FCHO1: variants seen among roughly 807,000 people sequenced by gnomAD.
FCHO1 encodes the protein F-BAR domain only protein 1.
In FCHO1, 45 loss-of-function variants were observed where a neutral mutation model predicts 114.4. The observed-to-expected ratio is 0.39, with a 90% confidence interval of 0.31 to 0.50. FCHO1 has a LOEUF of 0.50. Among genes scored for constraint, FCHO1 ranks in the 20% least tolerant of loss-of-function variants. FCHO1 has a pLI of 0.77. For synonymous variants in FCHO1, 480 were observed against 488.9 expected (o/e 0.98, Z 0.24); for missense variants, 1,042 against 1,209.6 (o/e 0.86, Z 2.06).
chr19:17,750,198 G>A (rs540953437), upstream of FCHO1, among the ~76,000 whole-genome samples: 4 of 152,190 alleles, frequency 2.6e-5, no homozygotes, highest in African/African-American at 9.6e-5. Context: ...TGTAACCTTG[G>A]GCAAGTCTCC....
At position 17,766,631 on chromosome 19, in the gene FCHO1, G is replaced by A. The variant is rs138563541; in HGVS notation, c.195-38G>A. The A allele has an allele frequency of 7.2e-4, 1,167 of 1,612,474 alleles. 5 individuals carry two copies. The African/African-American group carries it at 0.014, about 19-fold the overall frequency. ...CCAGCGCTGTCCCGGGGTGGGGTGA[G>A]CCTGATGAACCCTGGGTGTGACCTT... On this transcript the variant is annotated intron_variant, in intron 6 of 28. Transcript: ENST00000596536.
At chr19:17,747,921 G>A (rs530613059), upstream of FCHO1, 2 of 152,474 alleles carry the variant, frequency 1.3e-5, no homozygotes, top group African/African-American at 4.8e-5. Context: ...GGCGCGGCGG[G>A]ACGCGAGGGA....
Position 17,787,807 on chromosome 19 carries a change from G to T in FCHO1, c.2608G>T (p.Gly870Cys), listed in dbSNP as rs777912251. 1 of 1,613,370 alleles carries T rather than the reference G, an allele frequency of 6.2e-7. No homozygotes were observed. Among genetic ancestry groups the T allele is most frequent in the Non-Finnish European group, 8.5e-7 (1 of 1,179,882 alleles). ...SGVDLELVGS[G>C]YRMSLVKRRF... is the part of the protein sequence containing the mutation. The stretch of plus-strand genomic sequence containing the variant: ...CGTGGACTTGGAACTGGTGGGCAGC[G>T]GTTACCGCATGTCGCTGGTGAAGAG... Residue 870 changes from glycine (G) to cysteine (C), a missense_variant, in exon 28 of 29, where the codon GGT (glycine) becomes TGT (cysteine). Around this residue, in one of 3 missense-constraint regions of FCHO1, gnomAD observed 137 missense variants for 190.0 expected, o/e 0.72. Transcript: ENST00000596536.
intron 20 of FCHO1, among the ~76,000 whole-genome samples, chr19:17,779,687 CAAGG>C (rs1386317504): frequency 8.2e-4 from 75 of 90,968 alleles, no homozygotes; most frequent in Non-Finnish European, 1.0e-3. Flanking sequence ...AAGGGACAGT[CAAGG>C]GAGGGAGGAG....
intron 4 of FCHO1, among the ~76,000 whole-genome samples, chr19:17,756,100 G>A (rs1295870804): frequency 2.0e-5 from 3 of 152,212 alleles, no homozygotes; most frequent in African/African-American, 7.2e-5. Flanking sequence ...GAAGCCTGTT[G>A]CTAGGCGACT....
At chr19:17,769,580 AACACACACACACACACACAC>A (rs71162199) in intron 7 of FCHO1, among the ~76,000 whole-genome samples, 2,429 of 144,140 alleles carry the variant, frequency 0.017, 75 homozygotes, top group African/African-American at 0.055. Flanking sequence ...CTTCGTCTCA[AACACACACACACACACACAC>A]ACACACACAC....
rs767985878 is a variant in FCHO1, at chr19:17,786,627, G to A, written c.2480G>A (p.Gly827Asp). ...AGGCTTCCAGATGTGTCCGAGGCAGGCGGTGAGCTGTGGTTGTGTATGAGG... is the reference window on the plus strand; with the variant it reads ...AGGCTTCCAGATGTGTCCGAGGCAGACGGTGAGCTGTGGTTGTGTATGAGG... ...TWRLPDVSEA[G>D]GSGRLSASWE... Residue 827 changes from glycine to aspartate, a missense_variant and splice_region_variant, in exon 27 of 29, where the codon GGC (glycine) becomes GAC (aspartate). By Grantham distance (94) the Gly-to-Asp change is moderately conservative. Coordinates refer to ENST00000596536, the MANE Select transcript of FCHO1 (RefSeq NM_015122.3). 5 of 1,612,074 alleles carry A rather than the reference G, an allele frequency of 3.1e-6. No homozygotes were observed. The Admixed American group carries it at 5.0e-5, about 16-fold the overall frequency.
intron 4 of FCHO1, among the ~76,000 whole-genome samples, chr19:17,760,955 C>A: frequency 6.6e-6 from 1 of 152,022 alleles, no homozygotes; most frequent in Non-Finnish European, 1.5e-5. Flanking sequence ...AACCTCCCTG[C>A]CCCATCTTAA....
intron 4 of FCHO1, among the ~76,000 whole-genome samples, chr19:17,759,267 G>A (rs546017190): frequency 3.1e-5 from 4 of 128,206 alleles, no homozygotes; most frequent in African/African-American, 1.2e-4. Context: ...CTGTCAGCCA[G>A]GCTGGAGTGC....
chr19:17,766,714 G>A lies in FCHO1; in HGVS notation c.240G>A (p.Lys80=), dbSNP rs1568335722. The A allele has an allele frequency of 6.2e-7, 1 of 1,614,170 alleles. No individual in the cohort carries two copies. Among genetic ancestry groups the A allele is most frequent in the East Asian group, 2.2e-5 (1 of 44,878 alleles). The change falls in exon 7 of 29, where the codon AAG becomes AAA. Residue 80 remains lysine, a synonymous_variant. Transcript: ENST00000596536. ...LWEVFRVSSD[K]LALCHLELTR... ...AGGTCTTCCGCGTCTCCTCGGACAA[G>A]CTGGCGCTGTGCCACCTGGAACTGA... is the stretch of plus-strand genomic sequence containing the variant.
In FCHO1 at chr19:17,783,156, G is replaced by A. The variant is rs761157532; in HGVS notation, c.2077G>A (p.Ala693Thr). 5.6e-6 allele frequency: 9 copies of A among 1,613,976 alleles called. No individual in the cohort carries two copies. The highest frequency in any genetic ancestry group is 3.3e-5 in the Admixed American group (2 of 59,992). ...CGCTATTGAGCACTTCCAGCCCAAC[G>A]CCGATCTGCTGTTCAGGTACTATGG... Reference protein sequence around the residue: ...TTAIEHFQPNADLLFSDPSQS... With the variant: ...TTAIEHFQPNTDLLFSDPSQS... Residue 693 changes from alanine to threonine, a missense_variant, in exon 24 of 29, where the codon GCC becomes ACC. Physicochemically the swap from Ala to Thr is moderately conservative, Grantham distance 58 (BLOSUM62 0). Around this residue, in one of 3 missense-constraint regions of FCHO1, gnomAD observed 455 missense variants for 455.4 expected, o/e 1.00. Transcript: ENST00000596536.
At position 17,784,617 on chromosome 19, in the gene FCHO1, C is replaced by T. The variant is rs1395645450; in HGVS notation, c.2227-108C>T. On this transcript the variant is annotated intron_variant, in intron 25 of 28. Coordinates refer to ENST00000596536, the MANE Select transcript of FCHO1 (RefSeq NM_015122.3). The surrounding 1 kb of genome is among the most constrained non-coding windows in gnomAD (Gnocchi z 5.3). ...ATCAAATCTCCCTGTGACTGGACCC[C>T]CTTGGGGCGGTGCGTGCATCGCAGG... is the stretch of plus-strand genomic sequence containing the variant. 1 of 1,067,954 alleles carries T rather than the reference C, an allele frequency of 9.4e-7. No individual in the cohort carries two copies. Among genetic ancestry groups the T allele is most frequent in the African/African-American group, 1.5e-5 (1 of 64,598 alleles). 66.2% of individuals were successfully genotyped at this position (1,067,954 alleles called of 1,614,324 possible).
At chr19:17,781,571 G>T in intron 22 of FCHO1, 32 bp downstream of exon 22, 4 of 1,609,682 alleles carry the variant, frequency 2.5e-6, no homozygotes, top group Non-Finnish European at 3.4e-6. Flanking sequence ...CCTGGCTTTG[G>T]GCCTCAGTGT....
At chr19:17,781,116 G>A (rs1752014327) in intron 20 of FCHO1, 115 bp from the exon 21 acceptor site, 2 of 707,820 alleles carry the variant, frequency 2.8e-6, no homozygotes, top group Admixed American at 2.3e-5. Flanking sequence ...CAGACCCATT[G>A]GGGGTCTCTG....
Position 17,784,028 on chromosome 19 carries a change from A to G in FCHO1, c.2094-75A>G. 6.5e-7 allele frequency: 1 copy of G among 1,529,396 alleles called. No individual in the cohort carries two copies. The highest frequency in any genetic ancestry group is 1.2e-5 in the South Asian group (1 of 81,912). 94.7% of individuals were successfully genotyped at this position (1,529,396 alleles called of 1,614,324 possible). ...GGGCCAGGAAATTGCATCTTTAGGAAGGGGTAGATTGAATGCTGGGAGCCC... is the reference window on the plus strand; with the variant it reads ...GGGCCAGGAAATTGCATCTTTAGGAGGGGGTAGATTGAATGCTGGGAGCCC... On this transcript the variant is annotated intron_variant, in intron 24 of 28. Transcript: ENST00000596536. The surrounding 1 kb of genome is among the most constrained non-coding windows in gnomAD (Gnocchi z 5.3).
chr19:17,765,105 T>C lies in FCHO1; in HGVS notation c.194+656T>C, dbSNP rs2088309975. Among the ~76,000 whole-genome samples the C allele has an allele frequency of 3.4e-5, 5 of 146,890 alleles. No individual in the cohort carries two copies. The South Asian group carries it at 6.4e-4, about 19-fold the overall frequency. ...AAAAAGTGCTGGGAAGGGAATGAGA[T>C]AGGAGTGTGAGAGATCGGGCACTTT... On this transcript the variant is annotated intron_variant, in intron 6 of 28. Transcript: ENST00000596536.
chr19:17,748,538 G>A (rs2146053728), upstream of FCHO1, among the ~76,000 whole-genome samples: 1 of 151,660 alleles, frequency 6.6e-6, no homozygotes, highest in South Asian at 2.1e-4. Context: ...ACTGAGGGGC[G>A]GGGTGTACAG....
chr19:17,774,846 C>A (rs56302053), intron 13 of FCHO1: 19,284 of 596,212 alleles, frequency 0.032, 896 homozygotes, highest in African/African-American at 0.17. Flanking sequence ...CCTTCCCTCC[C>A]AGGCTGTTTG....
intron 20 of FCHO1, among the ~76,000 whole-genome samples, 171 bp downstream of exon 20, chr19:17,779,055 G>T (rs2093030311): frequency 1.3e-5 from 2 of 152,172 alleles, no homozygotes; most frequent in South Asian, 4.1e-4. Flanking sequence ...CAAGGCAGGC[G>T]GTAGCGGGTG....
Sources: gnomAD v4.1 joint callset for allele counts (sites outside exome capture counted in the v4.1 genomes callset) on GRCh38, gnomAD v4.1.1 for gene constraint, gnomAD v4.1.1 regional missense constraint, Gnocchi (gnomAD v3.1) non-coding constraint, MANE v1.5 for transcripts, NCBI Gene and HGNC (gene_info 2026-07-23, HGNC 2026-07-21) for gene names.